Variants in PRKCZ observed in about 807,000 individuals in gnomAD.
PRKCZ encodes the protein protein kinase C zeta type.
A neutral mutation model predicts 79.5 loss-of-function variants in PRKCZ; 33 were observed. The ratio of observed to expected loss-of-function variants is 0.41; its 90% CI spans 0.31 to 0.55. The LOEUF (loss-of-function observed/expected upper bound fraction) is 0.55, where lower values mean the gene tolerates loss of function less well. Among genes scored for constraint, PRKCZ ranks in the 20% least tolerant of loss-of-function variants. PRKCZ has a pLI of 0.19. For missense variants in PRKCZ, 578 were observed against 813.5 expected (o/e 0.71, Z 3.52); for synonymous variants, 342 against 320.9 (o/e 1.07, Z -0.70).
At position 2,146,071 on chromosome 1, in the gene PRKCZ, C is replaced by T. The variant is rs150712752; in HGVS notation, c.597C>T (p.Asn199=). 1.2e-5 allele frequency: 19 copies of T among 1,613,976 alleles called. No individual in the cohort carries two copies. The highest frequency in any genetic ancestry group is 7.7e-5 in the South Asian group (7 of 91,088). The part of the protein sequence containing the change: ...PSQEPPVDDK[N]EDADLPSEET... ...AAGAGCCTCCAGTAGACGACAAGAA[C>T]GAGGACGCCGACCTTCCTTCCGAGG... The change falls in exon 7 of 18, where the codon AAC becomes AAT. Residue 199 remains asparagine, a synonymous_variant. Coordinates refer to ENST00000378567, the MANE Select transcript of PRKCZ (RefSeq NM_002744.6).
intron 4 of PRKCZ, among the ~76,000 whole-genome samples, chr1:2,121,721 CACGGCG>C: frequency 1.8e-5 from 1 of 55,306 alleles, no homozygotes; most frequent in East Asian, 7.7e-4. Flanking sequence ...TAGTTAGGGT[CACGGCG>C]GTACTTAGGG....
At chr1:2,164,523 C>T (rs550989553) in intron 10 of PRKCZ, among the ~76,000 whole-genome samples, 10 of 152,150 alleles carry the variant, frequency 6.6e-5, no homozygotes, top group African/African-American at 1.9e-4. Context: ...TGGGCCAGCT[C>T]GAGGAATGGG....
intron 4 of PRKCZ, among the ~76,000 whole-genome samples, chr1:2,114,744 A>T (rs1253369813): frequency 6.6e-6 from 1 of 152,166 alleles, no homozygotes; most frequent in East Asian, 1.9e-4. Context: ...ACTGCACTCC[A>T]GCCTGGTGAC....
chr1:2,063,116 A>C (rs1660837753), intron 4 of PRKCZ, among the ~76,000 whole-genome samples: 1 of 151,904 alleles, frequency 6.6e-6, no homozygotes, highest in Non-Finnish European at 1.5e-5. Context: ...CTTCCTTCTC[A>C]AGACTGAACC....
intron 11 of PRKCZ, chr1:2,171,792 C>T: frequency 2.1e-6 from 1 of 476,890 alleles, no homozygotes; most frequent in East Asian, 3.8e-5. Flanking sequence ...TATTTGCCCG[C>T]TCCTCCCCTT....
At position 2,154,653 on chromosome 1, in the gene PRKCZ, G is replaced by A. The variant is rs116739464; in HGVS notation, c.877-1342G>A. On this transcript the variant is annotated intron_variant, in intron 9 of 17. Coordinates refer to ENST00000378567, the MANE Select transcript of PRKCZ (RefSeq NM_002744.6). ...GTCGAGGCTGCAGTGAGCAGTAATC[G>A]CACCCCTGTGATCCAGCCTATTTTG... is the stretch of plus-strand genomic sequence containing the variant. Among the ~76,000 whole-genome samples the A allele has an allele frequency of 4.5e-3, 678 of 152,286 alleles. 7 individuals are homozygous for A. Among genetic ancestry groups the A allele is most frequent in the African/African-American group, 0.015 (619 of 41,556 alleles).
In PRKCZ at chr1:2,174,546, T is replaced by C. The variant is rs1316188692; in HGVS notation, c.1406-208T>C. 6.6e-6 allele frequency among the ~76,000 whole-genome samples: 1 copy of C among 152,220 alleles called. No individual in the cohort carries two copies. The highest frequency in any genetic ancestry group is 1.9e-4 in the East Asian group (1 of 5,196). ...GGAGCTGCTGGTTCACGTCCGATCCTACGACACGTGCCAGCGCATGTAACC... is the reference window on the plus strand; with the variant it reads ...GGAGCTGCTGGTTCACGTCCGATCCCACGACACGTGCCAGCGCATGTAACC... On this transcript the variant is annotated intron_variant, in intron 14 of 17. Coordinates refer to ENST00000378567, the MANE Select transcript of PRKCZ (RefSeq NM_002744.6). This position sits in a 1 kb window ranked among gnomAD's most constrained non-coding sequence, Gnocchi z 6.2.
At chr1:2,148,084 T>C (rs570581931) in intron 7 of PRKCZ, among the ~76,000 whole-genome samples, 2 of 140,614 alleles carry the variant, frequency 1.4e-5, no homozygotes, top group African/African-American at 5.3e-5. Flanking sequence ...CCATCTATTG[T>C]CTACTGACCT....
At chr1:2,081,075 C>T (rs566951964) in intron 4 of PRKCZ, among the ~76,000 whole-genome samples, 2 of 152,346 alleles carry the variant, frequency 1.3e-5, no homozygotes, top group African/African-American at 4.8e-5. Flanking sequence ...CCTCTTCCCC[C>T]GTGCTGTCCT....
Position 2,115,419 on chromosome 1 carries a change from C to A in PRKCZ, c.335-19843C>A, listed in dbSNP as rs545512698. 1.5e-3 allele frequency among the ~76,000 whole-genome samples: 224 copies of A among 152,362 alleles called. 1 individual carries two copies. The highest frequency in any genetic ancestry group is 4.9e-3 in the African/African-American group (205 of 41,586). On this transcript the variant is annotated intron_variant, in intron 4 of 17. Coordinates refer to ENST00000378567, the MANE Select transcript of PRKCZ (RefSeq NM_002744.6). Reference sequence around the variant, plus strand: ...CAGACGTTTCCCTCGCGTGGCCGCACCAGGTCGCACTCTGCACTGTGTTTC... The same window carrying A: ...CAGACGTTTCCCTCGCGTGGCCGCAACAGGTCGCACTCTGCACTGTGTTTC...
At chr1:2,070,855 G>A (rs547049502) in intron 4 of PRKCZ, among the ~76,000 whole-genome samples, 1 of 152,140 alleles carries the variant, frequency 6.6e-6, no homozygotes, top group South Asian at 2.1e-4. Flanking sequence ...AGGCTCCGGG[G>A]CCTTCTGGCT....
chr1:2,091,507 T>C (rs143025412), intron 4 of PRKCZ, among the ~76,000 whole-genome samples: 217 of 152,280 alleles, frequency 1.4e-3, no homozygotes, highest in African/African-American at 5.1e-3. Context: ...GGAGTTACGA[T>C]GTCTCGCCGT....
At chr1:2,148,633 C>T (rs1247437637) in intron 7 of PRKCZ, among the ~76,000 whole-genome samples, 1 of 152,222 alleles carries the variant, frequency 6.6e-6, no homozygotes, top group African/African-American at 2.4e-5. Flanking sequence ...GCAGATGGAC[C>T]CCTGGGGACG....
intron 16 of PRKCZ, among the ~76,000 whole-genome samples, chr1:2,176,475 C>G (rs1026314859): frequency 1.3e-5 from 2 of 152,166 alleles, no homozygotes; most frequent in African/African-American, 2.4e-5. Flanking sequence ...GGGAGGTGAC[C>G]TTGTCTGAAG....
intron 4 of PRKCZ, among the ~76,000 whole-genome samples, chr1:2,091,995 C>T (rs1665595129): frequency 6.6e-6 from 1 of 151,688 alleles, no homozygotes; most frequent in Admixed American, 6.6e-5. Context: ...TCGTGCCAGA[C>T]AGTGCTTGGT....
intron 11 of PRKCZ, 77 bp downstream of exon 11, chr1:2,169,681 G>A: frequency 2.6e-6 from 3 of 1,165,912 alleles, no homozygotes; most frequent in South Asian, 1.6e-5. Flanking sequence ...TTGGGGGGCT[G>A]GGTGGGTGCG....
At chr1:2,084,901 G>A (rs545041030) in intron 4 of PRKCZ, among the ~76,000 whole-genome samples, 9 of 152,152 alleles carry the variant, frequency 5.9e-5, no homozygotes, top group Admixed American at 1.3e-4. Flanking sequence ...CCAGCTCCTC[G>A]GGGAGGCTGA....
intron 4 of PRKCZ, among the ~76,000 whole-genome samples, chr1:2,120,489 G>A (rs1356342718): frequency 6.6e-6 from 1 of 151,692 alleles, no homozygotes; most frequent in Non-Finnish European, 1.5e-5. Context: ...TTATAGGAGA[G>A]ACAGGGTTTC....
chr1:2,109,953 G>A (rs1489979785), intron 4 of PRKCZ, among the ~76,000 whole-genome samples: 3 of 152,212 alleles, frequency 2.0e-5, no homozygotes, highest in Admixed American at 6.5e-5. Context: ...TGAGGGAGAC[G>A]TCTCCAGGGA....
Sources: allele counts gnomAD v4.1 joint callset (sites outside exome capture counted in the v4.1 genomes callset), GRCh38; gene constraint gnomAD v4.1.1; non-coding constraint Gnocchi (gnomAD v3.1); transcripts MANE v1.5; gene names NCBI Gene and HGNC (gene_info 2026-07-23, HGNC 2026-07-21).